SLC4A4: variants seen among roughly 807,000 people sequenced by gnomAD.
SLC4A4 encodes the protein electrogenic sodium bicarbonate cotransporter 1.
A neutral mutation model predicts 111.5 loss-of-function variants in SLC4A4; 27 were observed. The ratio of observed to expected loss-of-function variants is 0.24; its 90% CI spans 0.18 to 0.33. The LOEUF (loss-of-function observed/expected upper bound fraction) is 0.33. SLC4A4 is among the 10% of genes least tolerant of loss of function. The pLI is 1.00. For missense variants in SLC4A4, 909 were observed against 1,315.5 expected, an observed-to-expected ratio of 0.69 and a Z score of 4.78; for synonymous variants, 443 against 463.4, an observed-to-expected ratio of 0.96 and a Z score of 0.57.
intron 1 of SLC4A4, among the ~76,000 whole-genome samples, chr4:71,088,195 A>G (rs1048054106): frequency 2.0e-5 from 3 of 151,628 alleles, no homozygotes; most frequent in Admixed American, 1.3e-4. Flanking sequence ...TTGATGGCTT[A>G]AAGTCTGTTT....
intron 6 of SLC4A4, among the ~76,000 whole-genome samples, chr4:71,363,541 C>T (rs193005489): frequency 1.8e-4 from 27 of 152,264 alleles, no homozygotes; most frequent in Non-Finnish European, 3.2e-4. Context: ...GACATGGTCC[C>T]TTAATCAATG....
chr4:71,139,677 G>A (rs1743945582), intron 2 of SLC4A4, among the ~76,000 whole-genome samples: 1 of 152,064 alleles, frequency 6.6e-6, no homozygotes, highest in African/African-American at 2.4e-5. Flanking sequence ...TTGCTAATCT[G>A]CTTCTTTTTT....
intron 14 of SLC4A4, among the ~76,000 whole-genome samples, chr4:71,474,163 A>C (rs1728137824): frequency 6.6e-6 from 1 of 151,444 alleles, no homozygotes; most frequent in Non-Finnish European, 1.5e-5. Context: ...TGTGTCAGAC[A>C]ATTACATGTT....
intron 24 of SLC4A4, among the ~76,000 whole-genome samples, chr4:71,565,568 A>AT (rs71213514): frequency 0.88 from 133,555 of 151,534 alleles, 60,360 homozygotes; most frequent in East Asian, 0.97. Flanking sequence ...AAAAGGGGAA[A>AT]TTTTTTTAAA....
At chr4:71,214,926 G>T (rs1718336545) in intron 1 of SLC4A4, among the ~76,000 whole-genome samples, 2 of 152,192 alleles carry the variant, frequency 1.3e-5, no homozygotes, top group Non-Finnish European at 2.9e-5. Flanking sequence ...GCAGCTTTAT[G>T]CATTCTATAC....
Position 71,177,412 on chromosome 4 carries a change from G to C in SLC4A4, c.-1-59164G>C, listed in dbSNP as rs1745130080. On this transcript the variant is annotated intron_variant, in intron 2 of 26. Transcript: ENST00000649996. ...TTGGATAAAGAGTCAAGACCCATCA[G>C]TGTGCTATATTCAGGAAACCCATCT... Among the ~76,000 whole-genome samples the C allele has an allele frequency of 3.9e-5, 6 of 152,276 alleles. No homozygotes were observed. In the South Asian group the frequency reaches 1.2e-3, roughly 32 times the overall value.
At chr4:71,225,293 G>A (rs924935293) in intron 1 of SLC4A4, among the ~76,000 whole-genome samples, 7 of 151,748 alleles carry the variant, frequency 4.6e-5, no homozygotes, top group African/African-American at 1.2e-4. Flanking sequence ...TGGAGGTTGC[G>A]GTGAGCTGAG....
rs564833165 is a variant in SLC4A4 at position 71,459,879 on chromosome 4, A to G, written c.1497+6210A>G. Among the ~76,000 whole-genome samples the G allele has an allele frequency of 5.9e-5, 9 of 152,152 alleles. No individual in the cohort carries two copies. In the South Asian group the frequency reaches 1.0e-3, roughly 18 times the overall value. ...TTGTCGTTCTGTGGGTTGAAAAATA[A>G]TGGTTCATTTTTGTTTAATTCTAAT... On this transcript the variant is annotated intron_variant, in intron 12 of 25. Coordinates refer to ENST00000264485, the MANE Select transcript of SLC4A4 (RefSeq NM_001098484.3).
In SLC4A4 at chr4:71,568,540, T is replaced by G. The variant is rs1062678; in HGVS notation, c.*789T>G. On this transcript the variant is annotated 3_prime_UTR_variant, in exon 26 of 26. Transcript: ENST00000264485. Reference sequence around the variant, plus strand: ...TTAACCCTTTAATGAACTTATCTGTTGAGTACATTGAAGAATATTTTTCTT... The same window carrying G: ...TTAACCCTTTAATGAACTTATCTGTGGAGTACATTGAAGAATATTTTTCTT... 1 of 152,232 alleles carries G rather than the reference T, an allele frequency of 6.6e-6. No individual in the cohort carries two copies. Among genetic ancestry groups the G allele is most frequent in the Non-Finnish European group, 1.5e-5 (1 of 67,834 alleles). 9.4% of individuals were successfully genotyped at this position (152,232 alleles called of 1,614,324 possible). A position where few individuals can be genotyped will look rare whatever the true frequency, so the allele number is the denominator to read the frequency against.
At chr4:71,524,310 A>G (rs1297030777) in intron 16 of SLC4A4, among the ~76,000 whole-genome samples, 1 of 152,172 alleles carries the variant, frequency 6.6e-6, no homozygotes, top group Non-Finnish European at 1.5e-5. Flanking sequence ...CTTCTGGTAT[A>G]CACACATTGG....
At position 71,162,995 on chromosome 4, in the gene SLC4A4, G is replaced by C. The variant is rs1189360340; in HGVS notation, c.-2+70203G>C. Among the ~76,000 whole-genome samples the C allele has an allele frequency of 2.0e-5, 3 of 152,086 alleles. No homozygotes were observed. The South Asian group carries it at 6.2e-4, about 31-fold the overall frequency. ...AATAATTCAATCTTTGACACAGACT[G>C]GGGGTCAGGGAGCTAGAAATCAGAA... On this transcript the variant is annotated intron_variant, in intron 2 of 26. Coordinates refer to the SLC4A4 transcript ENST00000649996.
intron 4 of SLC4A4, among the ~76,000 whole-genome samples, chr4:71,343,164 G>T (rs963046112): frequency 1.3e-5 from 2 of 152,062 alleles, no homozygotes; most frequent in African/African-American, 4.8e-5. Flanking sequence ...ATGTGTGATT[G>T]GTTGAGAACT....
At chr4:71,376,987 C>T (rs980109148) in intron 6 of SLC4A4, among the ~76,000 whole-genome samples, 6 of 152,042 alleles carry the variant, frequency 3.9e-5, no homozygotes, top group African/African-American at 1.4e-4. Context: ...CAGTGCCTTT[C>T]TTTTTATGAA....
intron 15 of SLC4A4, among the ~76,000 whole-genome samples, chr4:71,493,012 T>C (rs1730076694): frequency 6.6e-6 from 1 of 152,022 alleles, no homozygotes; most frequent in African/African-American, 2.4e-5. Flanking sequence ...TTATCTTTAT[T>C]GTACCTGTAA....
At chr4:71,541,972 A>G (rs1735109853) in intron 18 of SLC4A4, among the ~76,000 whole-genome samples, 1 of 152,146 alleles carries the variant, frequency 6.6e-6, no homozygotes, top group African/African-American at 2.4e-5. Context: ...CTAGTCATTC[A>G]GATACTTTTA....
At chr4:71,176,723 A>G (rs574376961) in intron 2 of SLC4A4, among the ~76,000 whole-genome samples, 22 of 152,322 alleles carry the variant, frequency 1.4e-4, no homozygotes, top group Non-Finnish European at 2.8e-4. Flanking sequence ...TGAAAGTGAC[A>G]GGGAGAATGG....
chr4:71,392,536 A>T (rs567584333), intron 6 of SLC4A4, among the ~76,000 whole-genome samples: 2 of 152,224 alleles, frequency 1.3e-5, no homozygotes, highest in East Asian at 3.9e-4. Context: ...TAAAATGCAC[A>T]TTGGTGTCCA....
chr4:71,221,152 A>G (rs1480276670), intron 1 of SLC4A4, among the ~76,000 whole-genome samples: 1 of 152,116 alleles, frequency 6.6e-6, no homozygotes, highest in Non-Finnish European at 1.5e-5. Context: ...TGTCTTTGCT[A>G]TTGTGAATAG....
At chr4:71,107,077 C>G (rs1385320684) in intron 2 of SLC4A4, among the ~76,000 whole-genome samples, 1 of 150,316 alleles carries the variant, frequency 6.7e-6, no homozygotes, top group Non-Finnish European at 1.5e-5. Flanking sequence ...TTTTTTTATC[C>G]TTTAACTTTC....
Sources: allele counts gnomAD v4.1 joint callset (sites outside exome capture counted in the v4.1 genomes callset), GRCh38; gene constraint gnomAD v4.1.1; transcripts MANE v1.5; gene names NCBI Gene and HGNC (gene_info 2026-07-23, HGNC 2026-07-21).